The following DLGAP1 variants were observed in gnomAD, a reference collection of about 807,000 sequenced individuals.
DLGAP1 encodes the protein disks large-associated protein 1.
DLGAP1 carries 11 observed loss-of-function variants against 90.8 expected under a neutral mutation model. The observed-to-expected ratio is 0.12, with a 90% confidence interval of 0.08 to 0.20. The LOEUF is 0.20. DLGAP1 is among the 10% of genes least tolerant of loss of function. DLGAP1 has a pLI of 1.00. For synonymous variants in DLGAP1, 558 were observed against 540.7 expected, an observed-to-expected ratio of 1.03 and a Z score of -0.44; for missense variants, 1,050 against 1,333.8, an observed-to-expected ratio of 0.79 and a Z score of 3.31.
At chr18:3,928,773 T>C (rs2072450019) in intron 3 of DLGAP1, among the ~76,000 whole-genome samples, 1 of 152,180 alleles carries the variant, frequency 6.6e-6, no homozygotes, top group Admixed American at 6.5e-5. Flanking sequence ...TATGCCGAAT[T>C]CATATGCCTT....
At chr18:4,276,060 G>A (rs1246544209) in intron 1 of DLGAP1, among the ~76,000 whole-genome samples, 2 of 145,598 alleles carry the variant, frequency 1.4e-5, no homozygotes, top group African/African-American at 5.1e-5. Flanking sequence ...GGGTATGAGG[G>A]TTCAGCCGGA....
intron 5 of DLGAP1, among the ~76,000 whole-genome samples, chr18:3,772,634 A>C (rs1282942131): frequency 6.6e-6 from 1 of 151,390 alleles, no homozygotes; most frequent in African/African-American, 2.4e-5. Context: ...TTTTATTAAT[A>C]ATATTATTAT....
intron 2 of DLGAP1, among the ~76,000 whole-genome samples, chr18:4,045,752 T>C (rs781561336): frequency 5.3e-5 from 8 of 151,890 alleles, no homozygotes; most frequent in Non-Finnish European, 7.4e-5. Context: ...TTACCACTAT[T>C]TGGCATTCTT....
chr18:3,614,082 C>T (rs763093683), intron 7 of DLGAP1, among the ~76,000 whole-genome samples: 2 of 151,984 alleles, frequency 1.3e-5, no homozygotes, highest in Non-Finnish European at 2.9e-5. Flanking sequence ...CAACCACACC[C>T]GGCTAAAGTT....
chr18:4,045,729 C>T (rs557324838), intron 2 of DLGAP1, among the ~76,000 whole-genome samples: 118 of 151,346 alleles, frequency 7.8e-4, no homozygotes, highest in South Asian at 4.6e-3. Context: ...TTGGTGATCA[C>T]GCCAAGTATA....
chr18:3,705,623 A>G (rs985018945), intron 7 of DLGAP1, among the ~76,000 whole-genome samples: 2 of 151,130 alleles, frequency 1.3e-5, no homozygotes, highest in African/African-American at 4.9e-5. Context: ...TAAGGTGACC[A>G]TATATCCCAG....
chr18:4,284,958 G>A (rs374405652), intron 1 of DLGAP1, among the ~76,000 whole-genome samples: 7 of 152,140 alleles, frequency 4.6e-5, no homozygotes, highest in African/African-American at 1.2e-4. Flanking sequence ...AAGTGCTTTC[G>A]CAATAAAGCA....
intron 7 of DLGAP1, among the ~76,000 whole-genome samples, chr18:3,609,623 T>C (rs763122645): frequency 6.6e-6 from 1 of 152,140 alleles, no homozygotes; most frequent in Non-Finnish European, 1.5e-5. Flanking sequence ...ACCTATCTCA[T>C]AGTGTGATGC....
At chr18:3,877,507 G>C (rs769770575) in intron 4 of DLGAP1, among the ~76,000 whole-genome samples, 1 of 152,010 alleles carries the variant, frequency 6.6e-6, no homozygotes, top group Non-Finnish European at 1.5e-5. Context: ...TAGAACCTTC[G>C]CAGACAAAAT....
chr18:4,419,253 C>T (rs2082974399), intron 1 of DLGAP1, among the ~76,000 whole-genome samples: 1 of 152,128 alleles, frequency 6.6e-6, no homozygotes, highest in African/African-American at 2.4e-5. Flanking sequence ...ACGGGAAAGA[C>T]CCACCCCCAT....
chr18:3,659,391 T>TTA (rs1452211498), intron 7 of DLGAP1, among the ~76,000 whole-genome samples: 1,267 of 61,408 alleles, frequency 0.021, 27 homozygotes, highest in African/African-American at 0.078. Context: ...ACACATACAT[T>TTA]TATACACACA....
chr18:4,161,310 T>C (rs1380825478), intron 1 of DLGAP1, among the ~76,000 whole-genome samples: 1 of 152,170 alleles, frequency 6.6e-6, no homozygotes, highest in East Asian at 1.9e-4. Context: ...GTTCTCATTG[T>C]TCAACTCCCA....
intron 7 of DLGAP1, among the ~76,000 whole-genome samples, chr18:3,693,477 ATACTGCATGGGCAGAAACATGT>A (rs555666781): frequency 1.1e-4 from 17 of 152,376 alleles, no homozygotes; most frequent in African/African-American, 4.1e-4. Flanking sequence ...ATATTTAATT[ATACTGCATGGGCAGAAACATGT>A]TAGAAAACGG....
chr18:3,838,910 A>T (rs575098286), intron 4 of DLGAP1, among the ~76,000 whole-genome samples: 53 of 152,126 alleles, frequency 3.5e-4, no homozygotes, highest in Non-Finnish European at 6.6e-4. Context: ...CTCCTTTCAT[A>T]GCCTGCTTTG....
chr18:3,688,147 G>A (rs546966424), intron 7 of DLGAP1, among the ~76,000 whole-genome samples: 2 of 152,250 alleles, frequency 1.3e-5, no homozygotes, highest in Non-Finnish European at 2.9e-5. Flanking sequence ...CTGACCTCAG[G>A]GGATCCAACG....
chr18:3,910,492 T>G (rs1380953841), intron 3 of DLGAP1, among the ~76,000 whole-genome samples: 2 of 152,214 alleles, frequency 1.3e-5, no homozygotes, highest in Non-Finnish European at 2.9e-5. Flanking sequence ...TGCTGCTTCC[T>G]ATAGGCCAAA....
At chr18:3,741,130 C>T (rs938479521) in intron 6 of DLGAP1, among the ~76,000 whole-genome samples, 8 of 114,656 alleles carry the variant, frequency 7.0e-5, no homozygotes, top group East Asian at 2.6e-4. Flanking sequence ...ATCACCACCA[C>T]CACCACATCA....
In DLGAP1 at chr18:3,602,614, A is replaced by C. The variant is rs541447853; in HGVS notation, c.1592-20366T>G. ...CGTCCAAAAAAAAAAAAAAAAAAAA[A>C]AACAAAGAAACTTGTGTTGGTAGAC... On this transcript the variant is annotated intron_variant, in intron 7 of 12. Coordinates refer to ENST00000315677, the MANE Select transcript of DLGAP1 (RefSeq NM_004746.4). Among the ~76,000 whole-genome samples the C allele has an allele frequency of 4.3e-3, 649 of 151,578 alleles. 7 individuals carry two copies. The highest frequency in any genetic ancestry group is 7.2e-3 in the Admixed American group (110 of 15,182).
intron 4 of DLGAP1, among the ~76,000 whole-genome samples, chr18:3,871,396 A>G (rs546972939): frequency 6.6e-6 from 1 of 152,212 alleles, no homozygotes; most frequent in South Asian, 2.1e-4. Flanking sequence ...TTTTAAGGGG[A>G]AAAAAACCCA....
Sources: gnomAD v4.1 joint callset for allele counts (sites outside exome capture counted in the v4.1 genomes callset) on GRCh38, gnomAD v4.1.1 for gene constraint, MANE v1.5 for transcripts, NCBI Gene and HGNC (gene_info 2026-07-23, HGNC 2026-07-21) for gene names.